Variants in SORCS2 observed in about 807,000 individuals in gnomAD.
SORCS2 encodes VPS10 domain-containing receptor SorCS2.
Under a neutral mutation model 141.6 loss-of-function variants are expected in SORCS2, and 100 were observed. That is an observed-to-expected ratio of 0.71 (90% CI 0.60 to 0.83). The LOEUF (loss-of-function observed/expected upper bound fraction) is 0.83. Ranked by LOEUF, SORCS2 falls within the 40% of genes least tolerant of loss-of-function variation. The pLI is 0.00. For synonymous variants in SORCS2, 789 were observed against 676.9 expected (o/e 1.17, Z -2.57); for missense variants, 1,646 against 1,560.2 (o/e 1.05, Z -0.93).
At position 7,736,981 on chromosome 4, in the gene SORCS2, G is replaced by A. The variant is rs891194249; in HGVS notation, c.3312-88G>A. 8 of 1,505,660 alleles carry A rather than the reference G, an allele frequency of 5.3e-6. No individual in the cohort carries two copies. In the South Asian group the frequency reaches 1.0e-4, roughly 19 times the overall value. 93.3% of individuals were successfully genotyped at this position (1,505,660 alleles called of 1,614,324 possible). A position where few individuals can be genotyped will look rare whatever the true frequency, so the allele number is the denominator to read the frequency against. ...CTGTGGGCACCGTGCACCACACTCG[G>A]TGTGGTCAGGCGGCCAGCGGAAGGC... On this transcript the variant is annotated intron_variant, in intron 25 of 26. Coordinates refer to ENST00000507866, the MANE Select transcript of SORCS2 (RefSeq NM_020777.3).
At chr4:7,395,178 A>T (rs1448142370) in intron 1 of SORCS2, among the ~76,000 whole-genome samples, 1 of 140,148 alleles carries the variant, frequency 7.1e-6, no homozygotes, top group South Asian at 2.1e-4. Context: ...GCCCCTCCTC[A>T]TGTCCTCCCT....
At chr4:7,341,403 C>A (rs1029346463) in intron 1 of SORCS2, among the ~76,000 whole-genome samples, 1 of 152,208 alleles carries the variant, frequency 6.6e-6, no homozygotes, top group Non-Finnish European at 1.5e-5. Context: ...CTGAACCCTG[C>A]GGGGCTTTGT....
intron 1 of SORCS2, among the ~76,000 whole-genome samples, chr4:7,334,960 G>A (rs1385351547): frequency 6.6e-6 from 1 of 152,092 alleles, no homozygotes. Flanking sequence ...AGACGGGTGT[G>A]GAGGGAGGGA....
intron 2 of SORCS2, among the ~76,000 whole-genome samples, chr4:7,425,260 A>T (rs999065120): frequency 2.0e-5 from 3 of 151,872 alleles, no homozygotes; most frequent in Admixed American, 2.0e-4. Context: ...GGCTCCAGAG[A>T]CCCCAGGACT....
intron 2 of SORCS2, among the ~76,000 whole-genome samples, chr4:7,519,682 C>A (rs79509802): frequency 6.6e-6 from 1 of 152,232 alleles, no homozygotes; most frequent in Non-Finnish European, 1.5e-5. Flanking sequence ...CATGGAGCAA[C>A]CTGCTTCCTT....
At chr4:7,361,189 G>A (rs1169030597) in intron 1 of SORCS2, among the ~76,000 whole-genome samples, 4 of 152,166 alleles carry the variant, frequency 2.6e-5, no homozygotes, top group African/African-American at 7.2e-5. Flanking sequence ...AGGTAACTTC[G>A]TTATGCCTAA....
At chr4:7,476,002 G>T (rs1325084321) in intron 2 of SORCS2, among the ~76,000 whole-genome samples, 1 of 152,144 alleles carries the variant, frequency 6.6e-6, no homozygotes, top group Non-Finnish European at 1.5e-5. Flanking sequence ...AGGAGAGTGA[G>T]TGGGCACTGT....
intron 3 of SORCS2, among the ~76,000 whole-genome samples, chr4:7,567,635 T>G (rs1715117241): frequency 1.3e-5 from 2 of 152,096 alleles, no homozygotes; most frequent in African/African-American, 2.4e-5. Flanking sequence ...TTGCCAGGCT[T>G]CTCCACCATA....
rs905982310 is a variant in SORCS2, at chr4:7,680,703, G to A, written c.1342-2040G>A. On this transcript the variant is annotated intron_variant, in intron 9 of 26. Coordinates refer to ENST00000507866, the MANE Select transcript of SORCS2 (RefSeq NM_020777.3). ...CCCTAGAAACTCTGGGAGGCTGCTC[G>A]CAGTGTGATCCCCTTGGCTCCTGAC... Among the ~76,000 whole-genome samples the A allele has an allele frequency of 5.3e-5, 8 of 152,372 alleles. No individual in the cohort carries two copies. The East Asian group carries it at 5.8e-4, about 11-fold the overall frequency.
At chr4:7,300,060 C>G (rs1212692958) in intron 1 of SORCS2, among the ~76,000 whole-genome samples, 2 of 152,158 alleles carry the variant, frequency 1.3e-5, no homozygotes, top group African/African-American at 4.8e-5. Context: ...AGAATCAGGA[C>G]GAGAGAGGAT....
intron 2 of SORCS2, among the ~76,000 whole-genome samples, chr4:7,440,648 T>G (rs1243559084): frequency 6.6e-6 from 1 of 152,176 alleles, no homozygotes. Context: ...CTTACCTGTC[T>G]CCCATCCCCT....
intron 1 of SORCS2, among the ~76,000 whole-genome samples, chr4:7,334,693 G>A (rs1231002536): frequency 6.6e-6 from 1 of 152,152 alleles, no homozygotes; most frequent in Non-Finnish European, 1.5e-5. Context: ...CTGCCTTCCT[G>A]TGGTCACCGA....
intron 5 of SORCS2, among the ~76,000 whole-genome samples, chr4:7,655,202 T>TGTACACACACACACAC (rs539590139): frequency 1.6e-3 from 231 of 148,982 alleles, no homozygotes; most frequent in African/African-American, 5.0e-3. Context: ...CTTGTGCGTG[T>TGTACACACACACACAC]ACACACACAC....
chr4:7,294,095 G>C (rs1577363768), intron 1 of SORCS2, among the ~76,000 whole-genome samples: 1 of 152,338 alleles, frequency 6.6e-6, no homozygotes, highest in East Asian at 1.9e-4. Flanking sequence ...TGCCTCAGAG[G>C]CTGGGGAAGG....
At chr4:7,338,177 A>ATGGATGTTGGATGGATGT (rs1720118859) in intron 1 of SORCS2, among the ~76,000 whole-genome samples, 1 of 144,072 alleles carries the variant, frequency 6.9e-6, no homozygotes, top group Non-Finnish European at 1.5e-5. Flanking sequence ...GGATGGATGG[A>ATGGATGTTGGATGGATGT]TGGATGTTGG....
intron 3 of SORCS2, among the ~76,000 whole-genome samples, chr4:7,624,779 A>G (rs1175125888): frequency 6.6e-6 from 1 of 152,264 alleles, no homozygotes; most frequent in Non-Finnish European, 1.5e-5. Flanking sequence ...ACTCTGCCCA[A>G]GCAAACAGGC....
intron 2 of SORCS2, among the ~76,000 whole-genome samples, chr4:7,486,188 T>A (rs906382768): frequency 1.5e-5 from 1 of 68,806 alleles, no homozygotes; most frequent in Admixed American, 1.4e-4. Flanking sequence ...TAGGTTCTTC[T>A]GCTGTTGGGA....
intron 1 of SORCS2, among the ~76,000 whole-genome samples, chr4:7,313,993 G>A (rs1244552820): frequency 6.6e-6 from 1 of 152,228 alleles, no homozygotes; most frequent in Non-Finnish European, 1.5e-5. Flanking sequence ...TGACATTCGG[G>A]GACATGCCTG....
intron 2 of SORCS2, among the ~76,000 whole-genome samples, chr4:7,488,817 G>A (rs1052822767): frequency 8.5e-5 from 13 of 152,212 alleles, no homozygotes; most frequent in Non-Finnish European, 1.6e-4. Context: ...GATGAGATGA[G>A]ATCCTTGCAT....
Sources: gnomAD v4.1 joint callset for allele counts (sites outside exome capture counted in the v4.1 genomes callset) on GRCh38, gnomAD v4.1.1 for gene constraint, MANE v1.5 for transcripts, NCBI Gene and HGNC (gene_info 2026-07-23, HGNC 2026-07-21) for gene names.